DMRT1: variants seen among roughly 807,000 people sequenced by gnomAD.
DMRT1 encodes doublesex- and mab-3-related transcription factor 1.
DMRT1 carries 7 observed loss-of-function variants against 32.3 expected under a neutral mutation model. That is an observed-to-expected ratio of 0.22 (90% CI 0.12 to 0.41). The LOEUF (loss-of-function observed/expected upper bound fraction) is 0.41. Among genes scored for constraint, DMRT1 ranks in the 10% least tolerant of loss-of-function variants. The pLI, the probability that DMRT1 is intolerant of heterozygous loss-of-function variation, is 1.00. For missense variants in DMRT1, 625 were observed against 500.5 expected, an observed-to-expected ratio of 1.25 and a Z score of -2.37; for synonymous variants, 278 against 206.1, an observed-to-expected ratio of 1.35 and a Z score of -2.99.
chr9:843,346 C>A (rs191201040), intron 1 of DMRT1, among the ~76,000 whole-genome samples: 1 of 152,250 alleles, frequency 6.6e-6, no homozygotes, highest in Non-Finnish European at 1.5e-5. Flanking sequence ...CTTCGCCCTC[C>A]GTGGATGGAG....
chr9:917,721 T>C (rs1018516557), intron 4 of DMRT1, among the ~76,000 whole-genome samples: 4 of 152,236 alleles, frequency 2.6e-5, no homozygotes, highest in Admixed American at 6.5e-5. Flanking sequence ...CTTGACTCTT[T>C]AGAGAACTTA....
intron 1 of DMRT1, among the ~76,000 whole-genome samples, chr9:844,173 C>G (rs1838806273): frequency 6.6e-6 from 1 of 152,108 alleles, no homozygotes; most frequent in South Asian, 2.1e-4. Context: ...CCGTTAAAAA[C>G]AAAAGCAACT....
intron 2 of DMRT1, 38 bp from the exon 3 acceptor site, chr9:893,874 A>T: frequency 6.3e-7 from 1 of 1,592,742 alleles, no homozygotes; most frequent in Non-Finnish European, 8.6e-7. Flanking sequence ...GACTAACATT[A>T]ATACCATGTT....
intron 3 of DMRT1, among the ~76,000 whole-genome samples, chr9:901,705 C>T (rs113366957): frequency 4.5e-4 from 69 of 151,768 alleles, no homozygotes; most frequent in African/African-American, 1.5e-3. Flanking sequence ...GGTCAGGTTT[C>T]CCAGGATGAT....
chr9:893,701 C>T (rs1438312943), intron 2 of DMRT1, among the ~76,000 whole-genome samples: 1 of 152,222 alleles, frequency 6.6e-6, no homozygotes, highest in Non-Finnish European at 1.5e-5. Context: ...TCAGTAAAAA[C>T]AATCAGCTGA....
At chr9:871,194 C>T (rs1259329575) in intron 2 of DMRT1, among the ~76,000 whole-genome samples, 1 of 151,540 alleles carries the variant, frequency 6.6e-6, no homozygotes. Flanking sequence ...CACCACCATG[C>T]CCGGCTAATT....
At chr9:891,669 C>T (rs1278121057) in intron 2 of DMRT1, among the ~76,000 whole-genome samples, 1 of 151,098 alleles carries the variant, frequency 6.6e-6, no homozygotes, top group Admixed American at 6.6e-5. Context: ...CATACGCCAC[C>T]ACGCCTGGCT....
intron 3 of DMRT1, among the ~76,000 whole-genome samples, chr9:914,605 G>C (rs1485134231): frequency 1.4e-5 from 2 of 139,116 alleles, no homozygotes; most frequent in Non-Finnish European, 3.1e-5. Flanking sequence ...AAGATTTAAT[G>C]TAATGGTAGA....
chr9:845,190 T>C (rs1183142471), intron 1 of DMRT1, among the ~76,000 whole-genome samples: 1 of 152,132 alleles, frequency 6.6e-6, no homozygotes, highest in African/African-American at 2.4e-5. Flanking sequence ...TCTTTAAACC[T>C]GTTTTTTCAA....
intron 3 of DMRT1, among the ~76,000 whole-genome samples, chr9:903,008 G>T (rs1277737960): frequency 1.3e-5 from 2 of 152,144 alleles, no homozygotes; most frequent in Non-Finnish European, 2.9e-5. Flanking sequence ...AAAGCCAGTG[G>T]AATTAAAGCT....
chr9:869,165 C>T (rs909468831), intron 2 of DMRT1, among the ~76,000 whole-genome samples: 16 of 152,164 alleles, frequency 1.1e-4, no homozygotes, highest in East Asian at 1.9e-4. Context: ...GATTTTTATC[C>T]GGGGGCGGAA....
intron 4 of DMRT1, among the ~76,000 whole-genome samples, chr9:962,132 T>C (rs566733036): frequency 2.0e-5 from 3 of 152,316 alleles, no homozygotes; most frequent in East Asian, 3.9e-4. Context: ...TAGAGTGACT[T>C]TGACTGTTTG....
intron 4 of DMRT1, among the ~76,000 whole-genome samples, chr9:929,386 C>T (rs536659311): frequency 6.6e-6 from 1 of 152,244 alleles, no homozygotes; most frequent in East Asian, 1.9e-4. Context: ...CCTGCCTTAG[C>T]CTCCAGAGTA....
intron 2 of DMRT1, among the ~76,000 whole-genome samples, chr9:893,415 T>A (rs1203599558): frequency 6.6e-6 from 1 of 152,232 alleles, no homozygotes; most frequent in African/African-American, 2.4e-5. Flanking sequence ...TTGCCCCTGG[T>A]CCGCACCTTT....
chr9:962,578 G>C (rs1476700924), intron 4 of DMRT1, among the ~76,000 whole-genome samples: 1 of 151,706 alleles, frequency 6.6e-6, no homozygotes, highest in Non-Finnish European at 1.5e-5. Flanking sequence ...GGTGGCACTG[G>C]GGACCCACCA....
chr9:859,519 T>C (rs1241695934), intron 2 of DMRT1, among the ~76,000 whole-genome samples: 1 of 152,190 alleles, frequency 6.6e-6, no homozygotes, highest in East Asian at 1.9e-4. Flanking sequence ...GCTATGCAAA[T>C]GTATATGTGC....
chr9:878,200 G>GCCACCCCC (rs1816584669), intron 2 of DMRT1, among the ~76,000 whole-genome samples: 1 of 94,040 alleles, frequency 1.1e-5, no homozygotes, highest in Non-Finnish European at 2.0e-5. Context: ...TGCAGCTGCT[G>GCCACCCCC]CCCCCCCCCC....
intron 2 of DMRT1, among the ~76,000 whole-genome samples, chr9:865,085 A>G (rs1589468516): frequency 1.3e-5 from 2 of 152,100 alleles, no homozygotes; most frequent in African/African-American, 4.8e-5. Flanking sequence ...GAGTCATTTT[A>G]CTGTTTGCGT....
At chr9:953,568 C>A (rs1382987173) in intron 4 of DMRT1, among the ~76,000 whole-genome samples, 1 of 151,862 alleles carries the variant, frequency 6.6e-6, no homozygotes, top group Non-Finnish European at 1.5e-5. Context: ...AGGAAGCTGA[C>A]CCATTCTTGA....
Sources: allele counts gnomAD v4.1 joint callset (sites outside exome capture counted in the v4.1 genomes callset), GRCh38; gene constraint gnomAD v4.1.1; transcripts MANE v1.5; gene names NCBI Gene and HGNC (gene_info 2026-07-23, HGNC 2026-07-21).